The following HARBI1 variants were observed in gnomAD, a reference collection of about 807,000 sequenced individuals.
HARBI1 encodes the protein harbinger transposase derived 1.
HARBI1 carries 15 observed loss-of-function variants against 25.3 expected under a neutral mutation model. That is an observed-to-expected ratio of 0.59 (90% CI 0.40 to 0.91). The LOEUF is 0.91. Among genes scored for constraint, HARBI1 ranks in the 40% least tolerant of loss-of-function variants. HARBI1 has a pLI of 0.00. For synonymous variants in HARBI1, 168 were observed against 160.5 expected, an observed-to-expected ratio of 1.05 and a Z score of -0.35; for missense variants, 396 against 445.8, an observed-to-expected ratio of 0.89 and a Z score of 1.01.
chr11:46,613,631 C>T (rs1460867724), intron 2 of HARBI1, among the ~76,000 whole-genome samples: 1 of 151,864 alleles, frequency 6.6e-6, no homozygotes, highest in Admixed American at 6.6e-5. Flanking sequence ...TATAGGCGCG[C>T]ACCACCATGC....
chr11:46,604,300 CCCGGAGTTCAAGACCAG>C, intron 2 of HARBI1: 5 of 923,398 alleles, frequency 5.4e-6, no homozygotes, highest in Non-Finnish European at 6.5e-6. Context: ...CCAACTGAGG[CCCGGAGTTCAAGACCAG>C]CCTGACCAAC....
At chr11:46,614,750 G>T (rs947799032) in intron 2 of HARBI1, among the ~76,000 whole-genome samples, 2 of 152,102 alleles carry the variant, frequency 1.3e-5, no homozygotes, top group African/African-American at 4.8e-5. Flanking sequence ...CCACTGTGCT[G>T]GCTCTAACAG....
At chr11:46,606,352 GC>G (rs1156860319) in intron 2 of HARBI1, among the ~76,000 whole-genome samples, 2 of 150,774 alleles carry the variant, frequency 1.3e-5, no homozygotes, top group East Asian at 3.9e-4. Context: ...TCACTCTGTC[GC>G]CCAGGCTGGA....
intron 2 of HARBI1, among the ~76,000 whole-genome samples, chr11:46,612,932 A>G (rs1340477564): frequency 1.3e-4 from 19 of 149,886 alleles, no homozygotes; most frequent in Admixed American, 6.6e-5. Context: ...TTGGCCTCCA[A>G]AAGTGCTGGG....
chr11:46,615,503 G>GC (rs2045345518), intron 2 of HARBI1, 65 bp downstream of exon 2: 1 of 1,376,912 alleles, frequency 7.3e-7, no homozygotes, highest in African/African-American at 1.4e-5. Context: ...GTGAGCCACC[G>GC]CCCCCAGCCT....
Position 46,616,582 on chromosome 11 carries a change from G to C in HARBI1, c.-144-201C>G, listed in dbSNP as rs1348085060. The C allele has an allele frequency of 8.6e-6, 9 of 1,047,142 alleles. No individual in the cohort carries two copies. In the South Asian group the frequency reaches 2.2e-4, roughly 26 times the overall value. 64.9% of individuals were successfully genotyped at this position (1,047,142 alleles called of 1,614,324 possible). On this transcript the variant is annotated intron_variant, in intron 1 of 2. Coordinates refer to ENST00000326737, the MANE Select transcript of HARBI1 (RefSeq NM_173811.4). The stretch of plus-strand genomic sequence containing the variant: ...CAAGGATAATGGGAATTCAATCTTT[G>C]TGGCTCATTTAATGCTTGGCATTTC...
At chr11:46,604,754 A>G (rs1431984106) in intron 2 of HARBI1, 19 of 958,382 alleles carry the variant, frequency 2.0e-5, no homozygotes, top group Non-Finnish European at 2.4e-5. Flanking sequence ...TATCACAATT[A>G]CTAGAACCAT....
At chr11:46,610,529 G>A (rs1016391275) in intron 2 of HARBI1, among the ~76,000 whole-genome samples, 12 of 151,732 alleles carry the variant, frequency 7.9e-5, no homozygotes, top group Admixed American at 5.3e-4. Flanking sequence ...GCGTGGTGGC[G>A]GGCGCCTATA....
chr11:46,604,456 T>C (rs1246599730), intron 2 of HARBI1: 2 of 942,934 alleles, frequency 2.1e-6, no homozygotes, highest in South Asian at 4.9e-5. Context: ...TTGTTATTAA[T>C]AAAAGGCTTA....
Position 46,603,155 on chromosome 11 carries a change from G to C in HARBI1, c.*375C>G, listed in dbSNP as rs187688296. On this transcript the variant is annotated 3_prime_UTR_variant, in exon 3 of 3. Coordinates refer to ENST00000326737, the MANE Select transcript of HARBI1 (RefSeq NM_173811.4). ...CCACCGCACCCGGCCGCTAATTTTT[G>C]TATTTTTAGTAGAGACGGGGTTTCA... The C allele has an allele frequency of 2.2e-3, 346 of 155,954 alleles. No homozygotes were observed. Among genetic ancestry groups the C allele is most frequent in the African/African-American group, 7.8e-3 (324 of 41,434 alleles). The allele number at this position is 155,954 out of a possible 1,614,324, so 9.7% of individuals were successfully genotyped here.
intron 2 of HARBI1, among the ~76,000 whole-genome samples, chr11:46,606,785 G>A (rs2044971054): frequency 6.8e-6 from 1 of 146,644 alleles, no homozygotes; most frequent in Admixed American, 6.6e-5. Flanking sequence ...TGGGATTACA[G>A]GCACATGCCA....
chr11:46,603,838 G>A lies in HARBI1; in HGVS notation c.742C>T (p.Arg248Cys), dbSNP rs201851329. The change falls in exon 3 of 3, where the codon CGC becomes TGC. Residue 248 changes from arginine to cysteine, a missense_variant. Coordinates refer to ENST00000326737, the MANE Select transcript of HARBI1 (RefSeq NM_173811.4). ...GTTGCAGAATGGGCCATGTTATAGC[G>A]ATATTCTGCTGGAGTTTCAGGAATG... ...LHIPETPAEY[R>C]YNMAHSATHS... The A allele has an allele frequency of 1.4e-5, 23 of 1,614,130 alleles. No homozygotes were observed. In the East Asian group the frequency reaches 2.9e-4, roughly 20 times the overall value.
chr11:46,616,550 T>C, intron 1 of HARBI1, 169 bp from the exon 2 acceptor site: 1 of 1,118,118 alleles, frequency 8.9e-7, no homozygotes, highest in South Asian at 3.1e-5. Flanking sequence ...ACAGGCTTGC[T>C]CTGATTCAAG....
At chr11:46,607,929 A>T (rs1224336143) in intron 2 of HARBI1, among the ~76,000 whole-genome samples, 3 of 147,404 alleles carry the variant, frequency 2.0e-5, no homozygotes, top group Non-Finnish European at 3.0e-5. Flanking sequence ...AAAAAAAAAA[A>T]GGCCAGAGGC....
chr11:46,613,702 T>TG lies in HARBI1; in HGVS notation c.670+1865dup, dbSNP rs1348030984. ...TTCACTATGTTGGACAGGCTGGTCT[T>TG]GAACGCCTGACCTCAGGTGATACAC... On this transcript the variant is annotated intron_variant, in intron 2 of 2. Coordinates refer to ENST00000326737, the MANE Select transcript of HARBI1 (RefSeq NM_173811.4). Among the ~76,000 whole-genome samples the TG allele has an allele frequency of 2.0e-5, 3 of 152,042 alleles. No homozygotes were observed. In the East Asian group the frequency reaches 5.8e-4, roughly 29 times the overall value.
chr11:46,612,382 A>G (rs2045217764), intron 2 of HARBI1, among the ~76,000 whole-genome samples: 1 of 152,146 alleles, frequency 6.6e-6, no homozygotes. Flanking sequence ...ATGCTCATAT[A>G]AAAGTAGCAC....
At chr11:46,617,336 G>GTC (rs113299100), upstream of HARBI1, 6,215 of 151,050 alleles carry the variant, frequency 0.041, 192 homozygotes, top group African/African-American at 0.088. Context: ...GGCCCAAACG[G>GTC]TCTCTCTCTC....
intron 1 of HARBI1, chr11:46,616,851 A>G: frequency 1.0e-6 from 1 of 971,482 alleles, no homozygotes. Flanking sequence ...AAAAAAAAAA[A>G]AAAAAAAAAA....
chr11:46,611,100 C>T (rs1022122584), intron 2 of HARBI1, among the ~76,000 whole-genome samples: 1 of 150,478 alleles, frequency 6.6e-6, no homozygotes, highest in Non-Finnish European at 1.5e-5. Context: ...CTCCACCTCC[C>T]GGGTTCACGC....
Sources: allele counts gnomAD v4.1 joint callset (sites outside exome capture counted in the v4.1 genomes callset), GRCh38; gene constraint gnomAD v4.1.1; transcripts MANE v1.5; gene names NCBI Gene and HGNC (gene_info 2026-07-23, HGNC 2026-07-21).